AGAP1: variants seen among roughly 807,000 people sequenced by gnomAD.
AGAP1 encodes ArfGAP with GTPase domain, ankyrin repeat and PH domain 1.
In AGAP1, 29 loss-of-function variants were observed where a neutral mutation model predicts 105.3. The observed-to-expected ratio is 0.28, with a 90% CI of 0.21 to 0.38. AGAP1 has a LOEUF of 0.38. Among genes scored for constraint, AGAP1 ranks in the 10% least tolerant of loss-of-function variants. AGAP1 has a pLI of 1.00. For synonymous variants in AGAP1, 509 were observed against 485.9 expected, an observed-to-expected ratio of 1.05 and a Z score of -0.63; for missense variants, 998 against 1,165.1, an observed-to-expected ratio of 0.86 and a Z score of 2.09.
chr2:235,708,977 T>C (rs1354485164), intron 1 of AGAP1, among the ~76,000 whole-genome samples: 3 of 152,178 alleles, frequency 2.0e-5, no homozygotes, highest in Non-Finnish European at 4.4e-5. Context: ...GACCACAGAC[T>C]TGGACCTGGA....
chr2:235,663,648 G>A lies in AGAP1; in HGVS notation c.164-45531G>A, dbSNP rs1355424425. 6.6e-6 allele frequency among the ~76,000 whole-genome samples: 1 copy of A among 152,090 alleles called. No homozygotes were observed. The highest frequency in any genetic ancestry group is 1.5e-5 in the Non-Finnish European group (1 of 68,028). On this transcript the variant is annotated intron_variant, in intron 1 of 17. Coordinates refer to ENST00000304032, the MANE Select transcript of AGAP1 (RefSeq NM_001037131.3). The surrounding 1 kb of genome is among the most constrained non-coding windows in gnomAD (Gnocchi z 5.4). ...GATTTTCTAAATCTTTGAGGTTAGT[G>A]GATCTAAAGAAAAGCTTGGTAAACA...
chr2:235,807,474 C>T (rs566884840), intron 9 of AGAP1, 143 bp downstream of exon 9: 46 of 654,104 alleles, frequency 7.0e-5, no homozygotes, highest in Admixed American at 6.4e-4. Context: ...CATCAATTAG[C>T]AGAGTTCCTG....
At chr2:235,848,585 C>T (rs148511547) in intron 9 of AGAP1, among the ~76,000 whole-genome samples, 4 of 152,332 alleles carry the variant, frequency 2.6e-5, no homozygotes, top group South Asian at 2.1e-4. Context: ...TCATTACTCT[C>T]GAGAATAATA....
chr2:235,920,839 G>C (rs745324537), intron 11 of AGAP1, among the ~76,000 whole-genome samples: 5 of 152,178 alleles, frequency 3.3e-5, no homozygotes, highest in Non-Finnish European at 7.3e-5. Context: ...CTGTTGATGA[G>C]ATTAATAACT....
chr2:235,686,632 T>C lies in AGAP1; in HGVS notation c.164-22547T>C, dbSNP rs181078655. On this transcript the variant is annotated intron_variant, in intron 1 of 17. Coordinates refer to ENST00000304032, the MANE Select transcript of AGAP1 (RefSeq NM_001037131.3). Reference sequence around the variant, plus strand: ...ACGTGGAGATATAGATATATATATATATATATATATATAGATATATATATA... The same window carrying C: ...ACGTGGAGATATAGATATATATATACATATATATATATAGATATATATATA... 8.1e-3 allele frequency among the ~76,000 whole-genome samples: 411 copies of C among 50,740 alleles called. 7 individuals carry two copies. The highest frequency in any genetic ancestry group is 0.013 in the Non-Finnish European group (359 of 27,896). 33.3% of individuals were successfully genotyped at this position (50,740 alleles called of 152,430 possible).
In AGAP1 at chr2:235,882,835, C is replaced by G. The variant is rs2050099257; in HGVS notation, c.1051-510C>G. ...TTCTCTTTGTCTCTCCTCTCTCTTTCTTTCACTCGCTTTGTCACCCAGGCT... is the reference window on the plus strand; with the variant it reads ...TTCTCTTTGTCTCTCCTCTCTCTTTGTTTCACTCGCTTTGTCACCCAGGCT... On this transcript the variant is annotated intron_variant, in intron 9 of 17. Transcript: ENST00000304032. The surrounding 1 kb of genome is among the most constrained non-coding windows in gnomAD (Gnocchi z 4.6). 6.6e-6 allele frequency among the ~76,000 whole-genome samples: 1 copy of G among 151,724 alleles called. No individual in the cohort carries two copies. Among genetic ancestry groups the G allele is most frequent in the South Asian group, 2.1e-4 (1 of 4,798 alleles).
intron 16 of AGAP1, among the ~76,000 whole-genome samples, chr2:236,106,651 G>T (rs2059502906): frequency 6.6e-6 from 1 of 152,212 alleles, no homozygotes; most frequent in Admixed American, 6.5e-5. Flanking sequence ...GGAGAAGGTG[G>T]CTGGAGTCAC....
At position 235,842,983 on chromosome 2, in the gene AGAP1, T is replaced by G. The variant is rs1961036149; in HGVS notation, c.1050+35652T>G. ...CTCAGGTGATCGGCCCGCCTCGGCC[T>G]CCCAAAGTGCTGGAGTTACAGGCGT... is the stretch of plus-strand genomic sequence containing the variant. On this transcript the variant is annotated intron_variant, in intron 9 of 17. Coordinates refer to ENST00000304032, the MANE Select transcript of AGAP1 (RefSeq NM_001037131.3). This position sits in a 1 kb window ranked among gnomAD's most constrained non-coding sequence, Gnocchi z 5.3. Among the ~76,000 whole-genome samples, 1 of 152,200 alleles carries G rather than the reference T, an allele frequency of 6.6e-6. No homozygotes were observed. The highest frequency in any genetic ancestry group is 2.4e-5 in the African/African-American group (1 of 41,462).
In AGAP1 at chr2:235,646,992, T is replaced by C. The variant is rs556410031; in HGVS notation, c.164-62187T>C. ...CCACTAAAAAATACAAAAAATTAGC[T>C]GGGCGTGGTGGCAGGCGCCTGTAGT... On this transcript the variant is annotated intron_variant, in intron 1 of 17. Coordinates refer to ENST00000304032, the MANE Select transcript of AGAP1 (RefSeq NM_001037131.3). Among the ~76,000 whole-genome samples the C allele has an allele frequency of 3.1e-3, 468 of 151,910 alleles. 1 individual carries two copies. Among genetic ancestry groups the C allele is most frequent in the African/African-American group, 0.01 (426 of 41,420 alleles).
chr2:235,730,731 G>C (rs1238832433), intron 3 of AGAP1, among the ~76,000 whole-genome samples: 1 of 152,138 alleles, frequency 6.6e-6, no homozygotes, highest in East Asian at 1.9e-4. Flanking sequence ...AATATGTTTA[G>C]TTGACCATGC....
rs944714906 is a variant in AGAP1, at chr2:235,874,045, T to TTTTTG, written c.1051-9285_1051-9281dup. On this transcript the variant is annotated intron_variant, in intron 9 of 17. Coordinates refer to ENST00000304032, the MANE Select transcript of AGAP1 (RefSeq NM_001037131.3). This position sits in a 1 kb window ranked among gnomAD's most constrained non-coding sequence, Gnocchi z 4.5. ...CGCCCAGCCCAGAACCGCATTCTGTTTTTTGTTTTGTTTTGTTTTTGTTTT... is the reference window on the plus strand; with the variant it reads ...CGCCCAGCCCAGAACCGCATTCTGTTTTTTGTTTTGTTTTGTTTTGTTTTTGTTTT... Among the ~76,000 whole-genome samples the TTTTTG allele has an allele frequency of 6.7e-6, 1 of 148,588 alleles. No homozygotes were observed. Among genetic ancestry groups the TTTTTG allele is most frequent in the Non-Finnish European group, 1.5e-5 (1 of 67,246 alleles).
chr2:235,711,584 G>C (rs538450740), intron 2 of AGAP1, among the ~76,000 whole-genome samples: 2 of 152,272 alleles, frequency 1.3e-5, no homozygotes, highest in East Asian at 3.9e-4. Context: ...TTCTCAGAAC[G>C]GTCCTGTCCC....
At chr2:235,828,487 T>TAG (rs1559535845) in intron 9 of AGAP1, among the ~76,000 whole-genome samples, 1 of 152,132 alleles carries the variant, frequency 6.6e-6, no homozygotes, top group Admixed American at 6.5e-5. Context: ...AACTAACACT[T>TAG]ATGCATTGTA....
intron 1 of AGAP1, among the ~76,000 whole-genome samples, chr2:235,565,725 AT>A (rs1944326237): frequency 6.6e-6 from 1 of 152,054 alleles, no homozygotes; most frequent in Non-Finnish European, 1.5e-5. Flanking sequence ...TAGTGGCATG[AT>A]TTCTGCTCAC....
At position 235,924,875 on chromosome 2, in the gene AGAP1, C is replaced by A. The variant is rs545908790; in HGVS notation, c.1325-5890C>A. 1.8e-4 allele frequency among the ~76,000 whole-genome samples: 28 copies of A among 152,300 alleles called. 1 individual carries two copies. The East Asian group carries it at 5.4e-3, about 29-fold the overall frequency. On this transcript the variant is annotated intron_variant, in intron 11 of 17. Transcript: ENST00000304032. ...AAAGTAGACATTACCCCTGTTGTAC[C>A]AGTCTGTTTACTCTGTCCACATCCC...
Position 236,121,314 on chromosome 2 carries a change from T to C in AGAP1, c.2370+867T>C, listed in dbSNP as rs2059890821. 6.6e-6 allele frequency among the ~76,000 whole-genome samples: 1 copy of C among 152,214 alleles called. No homozygotes were observed. Among genetic ancestry groups the C allele is most frequent in the Non-Finnish European group, 1.5e-5 (1 of 68,034 alleles). On this transcript the variant is annotated intron_variant, in intron 17 of 17. Transcript: ENST00000304032. This position sits in a 1 kb window ranked among gnomAD's most constrained non-coding sequence, Gnocchi z 4.9. ...TGATCTGACTTTTTTGTTTTTTGTTTTTTTGAGACAGAGTCTCGCTCTGTC... is the reference window on the plus strand; with the variant it reads ...TGATCTGACTTTTTTGTTTTTTGTTCTTTTGAGACAGAGTCTCGCTCTGTC...
Position 236,078,253 on chromosome 2 carries a change from G to T in AGAP1, c.2114+28972G>T, listed in dbSNP as rs962271100. Reference sequence around the variant, plus strand: ...GGAAACTCGGGCAGAAGTTAATGCTGCATGCTTGATGTAGGATTTCATCAT... The same window carrying T: ...GGAAACTCGGGCAGAAGTTAATGCTTCATGCTTGATGTAGGATTTCATCAT... On this transcript the variant is annotated intron_variant, in intron 16 of 17. Coordinates refer to ENST00000304032, the MANE Select transcript of AGAP1 (RefSeq NM_001037131.3). The surrounding 1 kb of genome is among the most constrained non-coding windows in gnomAD (Gnocchi z 5.3). 4.6e-5 allele frequency among the ~76,000 whole-genome samples: 7 copies of T among 152,110 alleles called. No individual in the cohort carries two copies. Among genetic ancestry groups the T allele is most frequent in the African/African-American group, 1.7e-4 (7 of 41,420 alleles).
intron 1 of AGAP1, among the ~76,000 whole-genome samples, chr2:235,496,807 G>A (rs1239889713): frequency 6.6e-6 from 1 of 151,588 alleles, no homozygotes; most frequent in East Asian, 1.9e-4. Flanking sequence ...TTTTTTGACA[G>A]CACGATGCCT....
chr2:236,038,828 T>C lies in AGAP1; in HGVS notation c.1801-1923T>C, dbSNP rs2057461214. On this transcript the variant is annotated intron_variant, in intron 14 of 17. Coordinates refer to ENST00000304032, the MANE Select transcript of AGAP1 (RefSeq NM_001037131.3). The surrounding 1 kb of genome is among the most constrained non-coding windows in gnomAD (Gnocchi z 4.5). ...AGGCACATCCCTTTGTATGTGTGTG[T>C]GTGTGTGTGTGTGTGTGTGTGATCA... Among the ~76,000 whole-genome samples the C allele has an allele frequency of 6.6e-6, 1 of 151,108 alleles. No homozygotes were observed.
Sources: allele counts gnomAD v4.1 joint callset (sites outside exome capture counted in the v4.1 genomes callset), GRCh38; gene constraint gnomAD v4.1.1; non-coding constraint Gnocchi (gnomAD v3.1); transcripts MANE v1.5; gene names NCBI Gene and HGNC (gene_info 2026-07-23, HGNC 2026-07-21).